MIDEAS: variants seen among roughly 807,000 people sequenced by gnomAD.
The protein encoded by MIDEAS is mitotic deacetylase-associated SANT domain protein.
A neutral mutation model predicts 102.7 loss-of-function variants in MIDEAS; 26 were observed. The ratio of observed to expected loss-of-function variants is 0.25; its 90% CI spans 0.19 to 0.35. The LOEUF is 0.35. MIDEAS is among the 10% of genes least tolerant of loss of function. The pLI, the probability that MIDEAS is intolerant of heterozygous loss-of-function variation, is 1.00. For synonymous variants in MIDEAS, 585 were observed against 591.0 expected (o/e 0.99, Z 0.15); for missense variants, 1,231 against 1,435.6 (o/e 0.86, Z 2.30).
chr14:73,759,413 G>A lies in MIDEAS; in HGVS notation c.-248+350C>T, dbSNP rs1211992134. The stretch of plus-strand genomic sequence containing the variant: ...GCCGCCGCGGGCCGCCGGGTGGGGA[G>A]GGCTTTCCTGGCGGGGCCGCGCCCG... On this transcript the variant is annotated intron_variant, in intron 1 of 12. Coordinates refer to ENST00000423556, the MANE Select transcript of MIDEAS (RefSeq NM_001367710.1). The surrounding 1 kb of genome is among the most constrained non-coding windows in gnomAD (Gnocchi z 6.7). Among the ~76,000 whole-genome samples, 1 of 151,064 alleles carries A rather than the reference G, an allele frequency of 6.6e-6. No homozygotes were observed. The highest frequency in any genetic ancestry group is 6.6e-5 in the Admixed American group (1 of 15,228).
chr14:73,733,433 CA>C (rs1212589694), intron 3 of MIDEAS, among the ~76,000 whole-genome samples: 3 of 151,542 alleles, frequency 2.0e-5, no homozygotes, highest in Non-Finnish European at 4.4e-5. Context: ...ACTAAAAGTA[CA>C]AAAAAATTAG....
At chr14:73,771,109 T>C (rs1422199065) in intron 1 of MIDEAS, among the ~76,000 whole-genome samples, 1 of 152,122 alleles carries the variant, frequency 6.6e-6, no homozygotes, top group Non-Finnish European at 1.5e-5. Context: ...GAAGCTGGCC[T>C]GAGTACCCCT....
At chr14:73,783,888 C>G (rs1467310793) in intron 1 of MIDEAS, among the ~76,000 whole-genome samples, 1 of 152,118 alleles carries the variant, frequency 6.6e-6, no homozygotes, top group Non-Finnish European at 1.5e-5. Flanking sequence ...GTTCGGCCTC[C>G]TTTTTTGGAG....
chr14:73,719,267 C>CGCGGGGGTCCCA, intron 12 of MIDEAS, 38 bp downstream of exon 12: 2 of 1,597,994 alleles, frequency 1.3e-6, no homozygotes, highest in East Asian at 2.3e-5. Context: ...CGCACCAGCC[C>CGCGGGGGTCCCA]GCGGGGGTCC....
Position 73,740,055 on chromosome 14 carries a change from C to A in MIDEAS, c.-47G>T, listed in dbSNP as rs2053264341. ...GCGGTGAGATCCCCTTCAACAGTCG[C>A]CCATCCCCTGGGGAAACGTCCTGCT... On this transcript the variant is annotated 5_prime_UTR_variant, in exon 2 of 13. Transcript: ENST00000423556. The A allele has an allele frequency of 7.0e-7, 1 of 1,426,982 alleles. No individual in the cohort carries two copies. The allele number at this position is 1,426,982 out of a possible 1,614,324, so 88.4% of individuals were successfully genotyped here.
intron 3 of MIDEAS, 52 bp downstream of exon 3, chr14:73,736,946 G>A: frequency 1.9e-6 from 3 of 1,553,238 alleles, no homozygotes; most frequent in Non-Finnish European, 2.6e-6. Context: ...AGGGTCCTGG[G>A]CCCCCTGAGC....
chr14:73,725,321 T>C lies in MIDEAS; in HGVS notation c.2525A>G (p.Asn842Ser), dbSNP rs201589556. The change falls in exon 9 of 13, where the codon AAC becomes AGC. Residue 842 changes from asparagine to serine, a missense_variant. Coordinates refer to ENST00000423556, the MANE Select transcript of MIDEAS (RefSeq NM_001367710.1). This position sits in a 1 kb window ranked among gnomAD's most constrained non-coding sequence, Gnocchi z 4.1. Reference protein sequence around the residue: ...QWKMAERKLFNKGIAIYKKDF... With the variant: ...QWKMAERKLFSKGIAIYKKDF... ...CTTCTTGTAGATGGCAATGCCTTTG[T>C]TGAACAGCTTCCTCTCGGCCATCTT... 1.8e-5 allele frequency: 29 copies of C among 1,614,160 alleles called. No homozygotes were observed. The South Asian group carries it at 3.0e-4, about 16-fold the overall frequency.
intron 3 of MIDEAS, among the ~76,000 whole-genome samples, chr14:73,735,267 C>T (rs1299285726): frequency 6.6e-6 from 1 of 152,110 alleles, no homozygotes; most frequent in Non-Finnish European, 1.5e-5. Flanking sequence ...GTTCTCACCA[C>T]AAAAAAATAA....
rs924718964 is a variant in MIDEAS, at chr14:73,716,057, T to G, written c.*2786A>C. 1 of 152,424 alleles carries G rather than the reference T, an allele frequency of 6.6e-6. No individual in the cohort carries two copies. 9.4% of individuals were successfully genotyped at this position (152,424 alleles called of 1,614,324 possible). A position where few individuals can be genotyped will look rare whatever the true frequency, so the allele number is the denominator to read the frequency against. On this transcript the variant is annotated 3_prime_UTR_variant, in exon 13 of 13. Coordinates refer to ENST00000423556, the MANE Select transcript of MIDEAS (RefSeq NM_001367710.1). Reference sequence around the variant, plus strand: ...TGGTGAGATGGTGTGGGGAGGATGTTAGAAAGCTGGAGGTGTTTATCACTT... The same window carrying G: ...TGGTGAGATGGTGTGGGGAGGATGTGAGAAAGCTGGAGGTGTTTATCACTT...
At position 73,739,355 on chromosome 14, in the gene MIDEAS, C is replaced by T; in HGVS notation, c.654G>A (p.Gln218=). 1 of 1,600,438 alleles carries T rather than the reference C, an allele frequency of 6.2e-7. No homozygotes were observed. Among genetic ancestry groups the T allele is most frequent in the Non-Finnish European group, 8.5e-7 (1 of 1,171,950 alleles). Residue 218 remains glutamine, a synonymous_variant, in exon 2 of 13, where the codon CAG becomes CAA. Transcript: ENST00000423556. ...GGTTCACCTGGTGGCCGAATGCCAGCTGGAAGGGTTGCAGGGGCAGTGACT... is the reference window on the plus strand; with the variant it reads ...GGTTCACCTGGTGGCCGAATGCCAGTTGGAAGGGTTGCAGGGGCAGTGACT... The part of the protein sequence containing the change: ...PNQSLPLQPF[Q]LAFGHQVNRQ...
chr14:73,771,479 T>C (rs1237844391), intron 1 of MIDEAS, among the ~76,000 whole-genome samples: 1 of 152,178 alleles, frequency 6.6e-6, no homozygotes, highest in South Asian at 2.1e-4. Context: ...GGGATGATCA[T>C]GGACCCTCCA....
At chr14:73,771,619 T>G (rs978346983) in intron 1 of MIDEAS, among the ~76,000 whole-genome samples, 8 of 151,970 alleles carry the variant, frequency 5.3e-5, no homozygotes, top group African/African-American at 1.7e-4. Context: ...CACAGAGATA[T>G]GAGAAGGTGC....
At chr14:73,721,763 T>G in intron 10 of MIDEAS, 2 of 431,746 alleles carry the variant, frequency 4.6e-6, no homozygotes, top group East Asian at 7.7e-5. Flanking sequence ...TCACTCCCCA[T>G]TGCCACCCAT....
rs1007256201 is a variant in MIDEAS, at chr14:73,715,554, A to G, written c.*3289T>C. The stretch of plus-strand genomic sequence containing the variant: ...TGAGGAAAAAGTGAAACAGCTGCAA[A>G]TTGTTAGAAGCAAATATTAACATAG... On this transcript the variant is annotated 3_prime_UTR_variant, in exon 13 of 13. Transcript: ENST00000423556. 2 of 152,466 alleles carry G rather than the reference A, an allele frequency of 1.3e-5. No individual in the cohort carries two copies. The highest frequency in any genetic ancestry group is 4.1e-4 in the South Asian group (2 of 4,834). The allele number at this position is 152,466 out of a possible 1,614,324, so 9.4% of individuals were successfully genotyped here.
chr14:73,766,231 G>A (rs563176312), intron 1 of MIDEAS, among the ~76,000 whole-genome samples: 28 of 152,338 alleles, frequency 1.8e-4, no homozygotes, highest in Admixed American at 8.5e-4. Context: ...TGGAATCAGA[G>A]TGCCATCTAC....
rs1365672383 is a variant in MIDEAS at position 73,725,608 on chromosome 14, CT to C, written c.2486-249del. 6.6e-6 allele frequency among the ~76,000 whole-genome samples: 1 copy of C among 152,226 alleles called. No homozygotes were observed. Among genetic ancestry groups the C allele is most frequent in the Non-Finnish European group, 1.5e-5 (1 of 68,040 alleles). Reference sequence around the variant, plus strand: ...GATAATGCATGTGAAACCCTTGGTGCTCTGCCTGGTGCAGATGAAATGTAGC... The same window carrying C: ...GATAATGCATGTGAAACCCTTGGTGCCTGCCTGGTGCAGATGAAATGTAGC... On this transcript the variant is annotated intron_variant, in intron 8 of 12. Coordinates refer to ENST00000423556, the MANE Select transcript of MIDEAS (RefSeq NM_001367710.1). This position sits in a 1 kb window ranked among gnomAD's most constrained non-coding sequence, Gnocchi z 4.1.
chr14:73,729,927 C>G lies in MIDEAS; in HGVS notation c.1808G>C (p.Arg603Pro). 6.2e-7 allele frequency: 1 copy of G among 1,607,550 alleles called. No individual in the cohort carries two copies. Among genetic ancestry groups the G allele is most frequent in the Non-Finnish European group, 8.5e-7 (1 of 1,175,418 alleles). Residue 603 changes from arginine to proline, a missense_variant, in exon 4 of 13, where the codon CGG becomes CCG. Physicochemically the swap from Arg to Pro is moderately radical, Grantham distance 103. This residue lies in a region of MIDEAS where 758 missense variants were observed against 856.0 expected (regional missense o/e 0.89). Coordinates refer to ENST00000423556, the MANE Select transcript of MIDEAS (RefSeq NM_001367710.1). ...GATGATGAGGGGCTCGGGCCTGGGCCGCTGCTTTGGTTTCCGCACGGAAGG... is the reference window on the plus strand; with the variant it reads ...GATGATGAGGGGCTCGGGCCTGGGCGGCTGCTTTGGTTTCCGCACGGAAGG... ...GEPSVRKPKQ[R>P]PRPEPLIIPT...
rs1415589602 is a variant in MIDEAS, at chr14:73,715,639, G to A, written c.*3204C>T. The A allele has an allele frequency of 3.3e-5, 5 of 152,476 alleles. No homozygotes were observed. The highest frequency in any genetic ancestry group is 2.6e-4 in the Admixed American group (4 of 15,276). 9.4% of individuals were successfully genotyped at this position (152,476 alleles called of 1,614,324 possible). A position where few individuals can be genotyped will look rare whatever the true frequency, so the allele number is the denominator to read the frequency against. On this transcript the variant is annotated 3_prime_UTR_variant, in exon 13 of 13. Coordinates refer to ENST00000423556, the MANE Select transcript of MIDEAS (RefSeq NM_001367710.1). ...ATATCCCTACTTCCTGTAAACCTAT[G>A]GAGTTAGGCTTGCCAGTCTGATAAT...
intron 1 of MIDEAS, among the ~76,000 whole-genome samples, chr14:73,756,317 G>A (rs998374704): frequency 1.4e-4 from 20 of 144,622 alleles, no homozygotes; most frequent in African/African-American, 4.8e-4. Context: ...TGCGCGCTGA[G>A]GTGGAGGGAG....
Sources: gnomAD v4.1 joint callset for allele counts (sites outside exome capture counted in the v4.1 genomes callset) on GRCh38, gnomAD v4.1.1 for gene constraint, gnomAD v4.1.1 regional missense constraint, Gnocchi (gnomAD v3.1) non-coding constraint, MANE v1.5 for transcripts, NCBI Gene and HGNC (gene_info 2026-07-23, HGNC 2026-07-21) for gene names.